The following PPARD variants were observed in gnomAD, a reference collection of about 807,000 sequenced individuals.
PPARD encodes peroxisome proliferator activated receptor delta.
Under a neutral mutation model 39.5 loss-of-function variants are expected in PPARD, and 6 were observed. That is an observed-to-expected ratio of 0.15 (90% CI 0.08 to 0.30). PPARD has a LOEUF of 0.30. Among genes scored for constraint, PPARD ranks in the 10% least tolerant of loss-of-function variants. The pLI is 1.00. For missense variants in PPARD, 397 were observed against 596.8 expected, an observed-to-expected ratio of 0.67 and a Z score of 3.49; for synonymous variants, 210 against 231.3, an observed-to-expected ratio of 0.91 and a Z score of 0.83.
chr6:35,424,764 A>C lies in PPARD; in HGVS notation c.1063A>C (p.Ile355Leu), dbSNP rs1384807617. 1 of 1,613,960 alleles carries C rather than the reference A, an allele frequency of 6.2e-7. No individual in the cohort carries two copies. Among genetic ancestry groups the C allele is most frequent in the Non-Finnish European group, 8.5e-7 (1 of 1,179,970 alleles). The change falls in exon 7 of 8, where the codon ATC (isoleucine) becomes CTC (leucine). Residue 355 changes from isoleucine to leucine, a missense_variant. By Grantham distance (5) the Ile-to-Leu change is conservative. Transcript: ENST00000360694. This position sits in a 1 kb window ranked among gnomAD's most constrained non-coding sequence, Gnocchi z 7.1. ...TGACCTGGCCCTATTCATTGCGGCC[A>C]TCATTCTGTGTGGAGGTGAGTGAGA... Reference protein sequence around the residue: ...DSDLALFIAAIILCGDRPGLM... With the variant: ...DSDLALFIAALILCGDRPGLM...
At chr6:35,367,267 C>T (rs985865506) in intron 2 of PPARD, among the ~76,000 whole-genome samples, 2 of 152,064 alleles carry the variant, frequency 1.3e-5, no homozygotes, top group Non-Finnish European at 2.9e-5. Context: ...AATTATAGGG[C>T]GAGTATAAAT....
At chr6:35,394,879 T>G (rs1049781733) in intron 2 of PPARD, among the ~76,000 whole-genome samples, 5 of 152,096 alleles carry the variant, frequency 3.3e-5, no homozygotes, top group African/African-American at 1.2e-4. Flanking sequence ...TCTTTTACAT[T>G]TGCTCCCTCA....
intron 2 of PPARD, chr6:35,348,764 C>A: frequency 1.0e-6 from 1 of 985,338 alleles, no homozygotes; most frequent in South Asian, 4.7e-5. Flanking sequence ...CAAACCCATA[C>A]CAAGTGCTTT....
At chr6:35,360,696 C>T (rs1761881669) in intron 2 of PPARD, among the ~76,000 whole-genome samples, 1 of 152,236 alleles carries the variant, frequency 6.6e-6, no homozygotes, top group Non-Finnish European at 1.5e-5. Context: ...GCCCTCTCAA[C>T]ATGGGCCCTG....
intron 2 of PPARD, among the ~76,000 whole-genome samples, chr6:35,374,760 A>G (rs1762710459): frequency 1.3e-5 from 2 of 152,030 alleles, no homozygotes; most frequent in Admixed American, 1.3e-4. Flanking sequence ...GGGTCTCCAG[A>G]GCTCCTAAAA....
Position 35,384,900 on chromosome 6 carries a change from C to A in PPARD, c.-101-26087C>A, listed in dbSNP as rs1363903053. ...GAGGTGAGGGGCGCCTCTGCCTGGC[C>A]GCCCCTACTGGGAAGTGAGGAGCCC... On this transcript the variant is annotated intron_variant, in intron 2 of 7. Coordinates refer to ENST00000360694, the MANE Select transcript of PPARD (RefSeq NM_006238.5). Among the ~76,000 whole-genome samples the A allele has an allele frequency of 2.3e-3, 285 of 125,410 alleles. 12 individuals carry two copies. The highest frequency in any genetic ancestry group is 9.6e-3 in the African/African-American group (264 of 27,454). 82.3% of individuals were successfully genotyped at this position (125,410 alleles called of 152,430 possible).
intron 2 of PPARD, among the ~76,000 whole-genome samples, chr6:35,347,363 G>A (rs9469999): frequency 0.053 from 8,141 of 152,184 alleles, 719 homozygotes; most frequent in African/African-American, 0.18. Context: ...TTTTTCAGGA[G>A]CATGGAGATT....
rs1764719187 is a variant in PPARD, at chr6:35,401,970, A to C, written c.-101-9017A>C. On this transcript the variant is annotated intron_variant, in intron 2 of 7. Coordinates refer to ENST00000360694, the MANE Select transcript of PPARD (RefSeq NM_006238.5). This position sits in a 1 kb window ranked among gnomAD's most constrained non-coding sequence, Gnocchi z 4.1. ...CCACCCTACCCTGGAAGCCCTCTCC[A>C]TGTAGTGTGAGGGGTCTCAGGCCCA... 6.6e-6 allele frequency among the ~76,000 whole-genome samples: 1 copy of C among 152,160 alleles called. No individual in the cohort carries two copies. The highest frequency in any genetic ancestry group is 1.9e-4 in the East Asian group (1 of 5,150).
chr6:35,349,590 G>A (rs1761111533), intron 2 of PPARD, among the ~76,000 whole-genome samples: 1 of 151,900 alleles, frequency 6.6e-6, no homozygotes, highest in African/African-American at 2.4e-5. Flanking sequence ...GATAAGCTTG[G>A]CCTCCCTAGG....
intron 2 of PPARD, among the ~76,000 whole-genome samples, chr6:35,355,721 C>T (rs1761570069): frequency 1.4e-5 from 2 of 145,450 alleles, no homozygotes; most frequent in African/African-American, 5.1e-5. Flanking sequence ...GCGCCGTTCT[C>T]CTGCCTCAGC....
Position 35,424,927 on chromosome 6 carries a change from A to G in PPARD, c.1078+148A>G. On this transcript the variant is annotated intron_variant, in intron 7 of 7. Transcript: ENST00000360694. This position sits in a 1 kb window ranked among gnomAD's most constrained non-coding sequence, Gnocchi z 7.1. The stretch of plus-strand genomic sequence containing the variant: ...AGTGGAACATGCAAGGCACTGACTG[A>G]GCATGCAGGATCAGCTCCATCTCAT... 1 of 1,445,504 alleles carries G rather than the reference A, an allele frequency of 6.9e-7. No homozygotes were observed. The highest frequency in any genetic ancestry group is 1.5e-5 in the South Asian group (1 of 68,812). 89.5% of individuals were successfully genotyped at this position (1,445,504 alleles called of 1,614,324 possible).
chr6:35,420,378 G>A, intron 4 of PPARD, 97 bp downstream of exon 4: 1 of 1,438,450 alleles, frequency 7.0e-7, no homozygotes, highest in Non-Finnish European at 9.2e-7. Context: ...GTGGGGCCCT[G>A]ACTGTACCTA....
At chr6:35,381,291 G>A (rs1347610235) in intron 2 of PPARD, among the ~76,000 whole-genome samples, 1 of 152,274 alleles carries the variant, frequency 6.6e-6, no homozygotes, top group South Asian at 2.1e-4. Context: ...AAGACCAGAG[G>A]TTAGAGGTGG....
chr6:35,389,164 C>A (rs1763858227), intron 2 of PPARD, among the ~76,000 whole-genome samples: 1 of 152,202 alleles, frequency 6.6e-6, no homozygotes, highest in Admixed American at 6.5e-5. Flanking sequence ...TTGGCCTGGA[C>A]AACAGAGCAA....
intron 2 of PPARD, among the ~76,000 whole-genome samples, chr6:35,382,123 T>G (rs1763189227): frequency 6.6e-6 from 1 of 152,188 alleles, no homozygotes; most frequent in Non-Finnish European, 1.5e-5. Context: ...ACGTCAGCAG[T>G]AGCCCCTAGA....
chr6:35,383,335 G>A (rs561068698), intron 2 of PPARD, among the ~76,000 whole-genome samples: 9 of 152,326 alleles, frequency 5.9e-5, no homozygotes, highest in African/African-American at 1.9e-4. Context: ...CTCAGTGCTC[G>A]GTGGTGCCCA....
At chr6:35,411,325 T>G (rs975069177) in intron 3 of PPARD, 108 bp downstream of exon 3, 1 of 1,286,992 alleles carries the variant, frequency 7.8e-7, no homozygotes, top group Non-Finnish European at 1.0e-6. Context: ...AGTAGCAGAG[T>G]GCTGAAGGAC....
intron 2 of PPARD, among the ~76,000 whole-genome samples, chr6:35,404,562 C>T (rs754817619): frequency 4.6e-5 from 7 of 152,224 alleles, no homozygotes; most frequent in Non-Finnish European, 1.0e-4. Flanking sequence ...TACAGCCTGC[C>T]AGTGGGCATC....
chr6:35,347,339 A>G (rs1422427420), intron 2 of PPARD, among the ~76,000 whole-genome samples, 189 bp downstream of exon 2: 1 of 152,110 alleles, frequency 6.6e-6, no homozygotes, highest in Non-Finnish European at 1.5e-5. Flanking sequence ...TTGAAAGTCT[A>G]TGGCTTACAT....
Sources: gnomAD v4.1 joint callset for allele counts (sites outside exome capture counted in the v4.1 genomes callset) on GRCh38, gnomAD v4.1.1 for gene constraint, Gnocchi (gnomAD v3.1) non-coding constraint, MANE v1.5 for transcripts, NCBI Gene and HGNC (gene_info 2026-07-23, HGNC 2026-07-21) for gene names.